ZNF71: variants seen among roughly 807,000 people sequenced by gnomAD.
ZNF71 encodes endothelial zinc finger protein induced by tumor necrosis factor alpha.
ZNF71 carries 3 observed loss-of-function variants against 6.7 expected under a neutral mutation model. The ratio of observed to expected loss-of-function variants is 0.45; its 90% confidence interval spans 0.20 to 1.16. The LOEUF (loss-of-function observed/expected upper bound fraction) is 1.16. Ranked by LOEUF, ZNF71 falls within the 50% of genes most tolerant of loss-of-function variation. The pLI is 0.25. For missense variants in ZNF71, 688 were observed against 728.6 expected (o/e 0.94, Z 0.64); for synonymous variants, 343 against 311.1 (o/e 1.10, Z -1.08).
intron 2 of ZNF71, among the ~76,000 whole-genome samples, chr19:56,606,973 C>CT (rs1266778544): frequency 6.6e-6 from 1 of 152,126 alleles, no homozygotes; most frequent in Non-Finnish European, 1.5e-5. Flanking sequence ...AGTCTACCCA[C>CT]TTACTATTGT....
intron 2 of ZNF71, among the ~76,000 whole-genome samples, chr19:56,607,760 C>T (rs1464948399): frequency 2.0e-5 from 3 of 152,208 alleles, no homozygotes; most frequent in Non-Finnish European, 2.9e-5. Flanking sequence ...AAGTTACCCC[C>T]AAACTCAGTT....
intron 2 of ZNF71, among the ~76,000 whole-genome samples, chr19:56,606,133 A>T (rs1350174675): frequency 6.6e-6 from 1 of 152,212 alleles, no homozygotes; most frequent in Non-Finnish European, 1.5e-5. Context: ...AATGAACATT[A>T]GTTATTTTTA....
intron 2 of ZNF71, among the ~76,000 whole-genome samples, chr19:56,611,589 G>C (rs2148012727): frequency 6.6e-6 from 1 of 152,216 alleles, no homozygotes; most frequent in East Asian, 1.9e-4. Flanking sequence ...GGGGCTTTTG[G>C]GGATGAAAGA....
chr19:56,610,881 T>C (rs1435821796), intron 2 of ZNF71, among the ~76,000 whole-genome samples: 2 of 152,234 alleles, frequency 1.3e-5, no homozygotes, highest in African/African-American at 4.8e-5. Flanking sequence ...AGAATTTCTT[T>C]CCTTATTAAG....
intron 3 of ZNF71, among the ~76,000 whole-genome samples, chr19:56,615,205 G>A (rs973424074): frequency 1.2e-4 from 19 of 152,164 alleles, no homozygotes; most frequent in South Asian, 2.1e-4. Flanking sequence ...GAACATTTGT[G>A]AACAGTTCTT....
intron 2 of ZNF71, among the ~76,000 whole-genome samples, chr19:56,612,874 A>G (rs2044762168): frequency 6.6e-6 from 1 of 152,140 alleles, no homozygotes; most frequent in Admixed American, 6.5e-5. Context: ...ACCTCATTTT[A>G]ACTGATTTCA....
At chr19:56,617,828 C>G (rs1220015372) in intron 3 of ZNF71, among the ~76,000 whole-genome samples, 1 of 152,186 alleles carries the variant, frequency 6.6e-6, no homozygotes, top group Non-Finnish European at 1.5e-5. Flanking sequence ...CTCTGTCCCT[C>G]TGCTGGTATG....
At chr19:56,614,668 A>G (rs920339322) in intron 3 of ZNF71, among the ~76,000 whole-genome samples, 3 of 152,242 alleles carry the variant, frequency 2.0e-5, no homozygotes, top group African/African-American at 4.8e-5. Context: ...CTGTTAGGTT[A>G]AAACACTCAC....
chr19:56,622,988 C>A lies in ZNF71; in HGVS notation c.*231C>A. On this transcript the variant is annotated 3_prime_UTR_variant, in exon 4 of 4. Coordinates refer to ENST00000599599, the MANE Select transcript of ZNF71 (RefSeq NM_001370215.1). ...ACGTATCTGGGGACACTTCAAGGTTCACTGTAGCTGAGCCATGGCCGCTGG... is the reference window on the plus strand; with the variant it reads ...ACGTATCTGGGGACACTTCAAGGTTAACTGTAGCTGAGCCATGGCCGCTGG... The A allele has an allele frequency of 1.7e-6, 1 of 599,686 alleles. No individual in the cohort carries two copies. Among genetic ancestry groups the A allele is most frequent in the Non-Finnish European group, 2.9e-6 (1 of 339,534 alleles). The allele number at this position is 599,686 out of a possible 1,614,324, so 37.1% of individuals were successfully genotyped here.
chr19:56,604,602 AAGAC>A (rs1344180183), intron 2 of ZNF71, among the ~76,000 whole-genome samples: 1 of 152,218 alleles, frequency 6.6e-6, no homozygotes, highest in African/African-American at 2.4e-5. Flanking sequence ...TAGAAAGAGA[AAGAC>A]AGTTGTCCAA....
At position 56,603,246 on chromosome 19, in the gene ZNF71, T is replaced by C. The variant is rs895909835; in HGVS notation, c.33+1655T>C. Among the ~76,000 whole-genome samples, 1 of 152,190 alleles carries C rather than the reference T, an allele frequency of 6.6e-6. No individual in the cohort carries two copies. Among genetic ancestry groups the C allele is most frequent in the South Asian group, 2.1e-4 (1 of 4,830 alleles). ...TTTTCCCCCATCAGTCCACGGCCCC[T>C]GGCAACCAGTAATCAGCTTTCTGTC... On this transcript the variant is annotated intron_variant, in intron 2 of 3. Coordinates refer to ENST00000599599, the MANE Select transcript of ZNF71 (RefSeq NM_001370215.1). This position sits in a 1 kb window ranked among gnomAD's most constrained non-coding sequence, Gnocchi z 4.6.
In ZNF71 at chr19:56,613,684, C is replaced by A; in HGVS notation, c.34-128C>A. On this transcript the variant is annotated intron_variant, in intron 2 of 3. Coordinates refer to ENST00000599599, the MANE Select transcript of ZNF71 (RefSeq NM_001370215.1). This position sits in a 1 kb window ranked among gnomAD's most constrained non-coding sequence, Gnocchi z 4.6. ...TGTGAGTGATCCCTTTAGAACTCTGCATCTTATTGAAATCACTTCAGCTAC... is the reference window on the plus strand; with the variant it reads ...TGTGAGTGATCCCTTTAGAACTCTGAATCTTATTGAAATCACTTCAGCTAC... 1 of 747,134 alleles carries A rather than the reference C, an allele frequency of 1.3e-6. No homozygotes were observed. 46.3% of individuals were successfully genotyped at this position (747,134 alleles called of 1,614,324 possible). A position where few individuals can be genotyped will look rare whatever the true frequency, so the allele number is the denominator to read the frequency against.
At position 56,622,385 on chromosome 19, in the gene ZNF71, C is replaced by G. The variant is rs1316309480; in HGVS notation, c.1278C>G (p.Asn426Lys). 4.3e-6 allele frequency: 7 copies of G among 1,613,738 alleles called. No homozygotes were observed. In the South Asian group the frequency reaches 5.5e-5, roughly 13 times the overall value. ...CSECGKAFSK[N>K]SSLTQHQRIH... ...AGTGCGGCAAGGCCTTCAGCAAGAA[C>G]TCCTCGCTCACGCAGCACCAGCGCA... The change falls in exon 4 of 4, where the codon AAC becomes AAG. Residue 426 changes from asparagine (N) to lysine (K), a missense_variant. Asn to Lys is a moderately conservative substitution (Grantham distance 94). Transcript: ENST00000599599.
At chr19:56,617,028 T>C (rs1334421263) in intron 3 of ZNF71, among the ~76,000 whole-genome samples, 1 of 152,194 alleles carries the variant, frequency 6.6e-6, no homozygotes, top group Non-Finnish European at 1.5e-5. Context: ...TGTGTGCATG[T>C]ACAGGCGTTG....
chr19:56,602,059 C>A (rs2044674964), intron 2 of ZNF71, among the ~76,000 whole-genome samples: 1 of 152,154 alleles, frequency 6.6e-6, no homozygotes, highest in African/African-American at 2.4e-5. Context: ...TCTGGCTAAG[C>A]AATTTTAATG....
At chr19:56,607,682 C>G (rs1268154421) in intron 2 of ZNF71, among the ~76,000 whole-genome samples, 1 of 145,584 alleles carries the variant, frequency 6.9e-6, no homozygotes, top group East Asian at 1.9e-4. Context: ...AGACACTGCA[C>G]TGTCTTTCAA....
In ZNF71 at chr19:56,622,177, C is replaced by G; in HGVS notation, c.1070C>G (p.Pro357Arg). The stretch of plus-strand genomic sequence containing the variant: ...CAGCGCACGCACACCGGGGAGAAGC[C>G]GTACGCCTGCAAGGAGTGCGGCAAG... The part of the protein sequence containing the change: ...EHQRTHTGEK[P>R]YACKECGKAF... The change falls in exon 4 of 4, where the codon CCG becomes CGG. Residue 357 changes from proline (P) to arginine (R), a missense_variant. By Grantham distance (103) the Pro-to-Arg change is moderately radical (BLOSUM62 -2). Coordinates refer to ENST00000599599, the MANE Select transcript of ZNF71 (RefSeq NM_001370215.1). 6.2e-7 allele frequency: 1 copy of G among 1,613,898 alleles called. No homozygotes were observed. Among genetic ancestry groups the G allele is most frequent in the Non-Finnish European group, 8.5e-7 (1 of 1,179,918 alleles).
At chr19:56,612,455 T>C (rs2044759000) in intron 2 of ZNF71, among the ~76,000 whole-genome samples, 1 of 151,996 alleles carries the variant, frequency 6.6e-6, no homozygotes, top group Non-Finnish European at 1.5e-5. Context: ...TAAAAAATAA[T>C]GAAATAATGT....
intron 1 of ZNF71, among the ~76,000 whole-genome samples, chr19:56,599,555 T>C (rs1321598027): frequency 6.6e-6 from 1 of 152,126 alleles, no homozygotes; most frequent in Non-Finnish European, 1.5e-5. Flanking sequence ...GTGTAGTGGG[T>C]TTATATATTT....
Sources: gnomAD v4.1 joint callset for allele counts (sites outside exome capture counted in the v4.1 genomes callset) on GRCh38, gnomAD v4.1.1 for gene constraint, Gnocchi (gnomAD v3.1) non-coding constraint, MANE v1.5 for transcripts, NCBI Gene and HGNC (gene_info 2026-07-23, HGNC 2026-07-21) for gene names.